C10orf90: variants seen among roughly 807,000 people sequenced by gnomAD.
The protein encoded by C10orf90 is (E2-independent) E3 ubiquitin-conjugating enzyme FATS.
A neutral mutation model predicts 62.5 loss-of-function variants in C10orf90; 56 were observed. The observed-to-expected ratio is 0.90, with a 90% CI of 0.72 to 1.12. The LOEUF is 1.12. C10orf90 is among the 50% of genes most tolerant of loss of function. The pLI, the probability that C10orf90 is intolerant of heterozygous loss-of-function variation, is 0.00. For missense variants in C10orf90, 970 were observed against 880.4 expected, an observed-to-expected ratio of 1.10 and a Z score of -1.29; for synonymous variants, 386 against 340.4, an observed-to-expected ratio of 1.13 and a Z score of -1.47.
At chr10:126,575,347 C>T (rs368637865) in intron 2 of C10orf90, among the ~76,000 whole-genome samples, 1 of 151,726 alleles carries the variant, frequency 6.6e-6, no homozygotes, top group Non-Finnish European at 1.5e-5. Context: ...AAATAAAATA[C>T]CTAGGAATAA....
intron 2 of C10orf90, among the ~76,000 whole-genome samples, chr10:126,642,332 A>G (rs1283280894): frequency 4.6e-5 from 7 of 152,238 alleles, no homozygotes; most frequent in Non-Finnish European, 1.0e-4. Context: ...GGAGATCGAG[A>G]CCATCCTGGC....
chr10:126,614,548 G>A (rs1240846423), intron 2 of C10orf90, among the ~76,000 whole-genome samples: 1 of 152,064 alleles, frequency 6.6e-6, no homozygotes, highest in Non-Finnish European at 1.5e-5. Context: ...GTGCCATGTG[G>A]GGGTGGATGT....
intron 3 of C10orf90, among the ~76,000 whole-genome samples, chr10:126,505,364 C>G (rs114206710): frequency 6.6e-6 from 1 of 152,134 alleles, no homozygotes; most frequent in East Asian, 1.9e-4. Context: ...GATGTGTCAA[C>G]GGGGATCATC....
chr10:126,593,460 C>G (rs115163270), intron 2 of C10orf90, among the ~76,000 whole-genome samples: 3,206 of 152,292 alleles, frequency 0.021, 130 homozygotes, highest in African/African-American at 0.072. Flanking sequence ...ACCCCATGTT[C>G]TCACTTATTC....
chr10:126,514,792 C>T (rs572200164), intron 2 of C10orf90, among the ~76,000 whole-genome samples: 1 of 152,114 alleles, frequency 6.6e-6, no homozygotes, highest in East Asian at 1.9e-4. Flanking sequence ...CCTCTCCACC[C>T]CCCATCTCTA....
intron 3 of C10orf90, among the ~76,000 whole-genome samples, chr10:126,512,307 G>C (rs1008131059): frequency 6.7e-6 from 1 of 148,872 alleles, no homozygotes; most frequent in African/African-American, 2.5e-5. Flanking sequence ...GTGTGTGTGT[G>C]TCTGTGTGTG....
intron 2 of C10orf90, among the ~76,000 whole-genome samples, chr10:126,598,182 C>T (rs1477722597): frequency 1.3e-5 from 2 of 152,180 alleles, no homozygotes; most frequent in African/African-American, 4.8e-5. Context: ...GGTCCTTGCT[C>T]ATTGCTGCCC....
chr10:126,662,928 A>G (rs1216984587), intron 1 of C10orf90, among the ~76,000 whole-genome samples: 1 of 152,088 alleles, frequency 6.6e-6, no homozygotes, highest in Non-Finnish European at 1.5e-5. Flanking sequence ...CTGGCCTGGC[A>G]TCATTGGGAT....
In C10orf90 at chr10:126,639,725, T is replaced by C. The variant is rs544033442; in HGVS notation, c.313+6840A>G. Reference sequence around the variant, plus strand: ...GTAAAATCTGGCTGATGCATTTCTGTCTGACACAAAGCTATATAGACTGCG... The same window carrying C: ...GTAAAATCTGGCTGATGCATTTCTGCCTGACACAAAGCTATATAGACTGCG... On this transcript the variant is annotated intron_variant, in intron 2 of 9. Coordinates refer to ENST00000488181, the MANE Select transcript of C10orf90 (RefSeq NM_001350921.2). 2.6e-5 allele frequency among the ~76,000 whole-genome samples: 4 copies of C among 152,382 alleles called. No homozygotes were observed. In the South Asian group the frequency reaches 8.3e-4, roughly 32 times the overall value.
intron 1 of C10orf90, among the ~76,000 whole-genome samples, chr10:126,657,745 A>G (rs1270074785): frequency 9.9e-5 from 15 of 151,510 alleles, no homozygotes; most frequent in Non-Finnish European, 8.8e-5. Context: ...CCTCCCGAGT[A>G]GCTGGGATTA....
intron 2 of C10orf90, among the ~76,000 whole-genome samples, chr10:126,637,771 C>G (rs1845980994): frequency 6.6e-6 from 1 of 152,144 alleles, no homozygotes; most frequent in African/African-American, 2.4e-5. Flanking sequence ...GGACCCAGGG[C>G]CTCGGGGCCT....
At chr10:126,635,911 G>GAT (rs1845941921) in intron 2 of C10orf90, among the ~76,000 whole-genome samples, 2 of 152,208 alleles carry the variant, frequency 1.3e-5, no homozygotes, top group Admixed American at 6.5e-5. Flanking sequence ...TAGTTTGAGA[G>GAT]ACAGACACTT....
chr10:126,521,228 C>A, intron 2 of C10orf90: 1 of 1,537,236 alleles, frequency 6.5e-7, no homozygotes, highest in African/African-American at 1.4e-5. Context: ...AGATACTCAG[C>A]GTGGACAGAA....
chr10:126,425,727 T>A lies in C10orf90; in HGVS notation c.*137A>T. On this transcript the variant is annotated 3_prime_UTR_variant, in exon 10 of 10. Transcript: ENST00000488181. ...TGGGTCAGTAATTCAGGAAGTGATG[T>A]TTTCCTTTATGGAAAAAAAAAATCG... is the stretch of plus-strand genomic sequence containing the variant. 1.1e-6 allele frequency: 1 copy of A among 884,248 alleles called. No individual in the cohort carries two copies. The highest frequency in any genetic ancestry group is 1.7e-6 in the Non-Finnish European group (1 of 593,818). The allele number at this position is 884,248 out of a possible 1,614,324, so 54.8% of individuals were successfully genotyped here.
intron 2 of C10orf90, among the ~76,000 whole-genome samples, chr10:126,613,613 T>G (rs1845483662): frequency 6.6e-6 from 1 of 152,340 alleles, no homozygotes; most frequent in Non-Finnish European, 1.5e-5. Context: ...AAAAACTATA[T>G]GAAGAAACTG....
At chr10:126,558,709 G>A (rs1040435057) in intron 2 of C10orf90, among the ~76,000 whole-genome samples, 4 of 152,184 alleles carry the variant, frequency 2.6e-5, no homozygotes, top group Non-Finnish European at 5.9e-5. Flanking sequence ...CACACTGTTG[G>A]AACACTTCTA....
intron 2 of C10orf90, among the ~76,000 whole-genome samples, chr10:126,623,248 A>C (rs2576012): frequency 0.57 from 86,229 of 151,964 alleles, 24,622 homozygotes; most frequent in Middle Eastern, 0.68. Context: ...CACCCCCATG[A>C]GGTCATCCCC....
In C10orf90 at chr10:126,584,842, ATG is replaced by A. The variant is rs370759448; in HGVS notation, c.313+61721_313+61722del. On this transcript the variant is annotated intron_variant, in intron 2 of 9. Transcript: ENST00000488181. ...CTCGATCCCTGAGTGACACTATATG[ATG>A]TGTGTGTGTGTGTGTTGGTAGAGCT... 1.0e-3 allele frequency among the ~76,000 whole-genome samples: 154 copies of A among 151,126 alleles called. 1 individual carries two copies. The highest frequency in any genetic ancestry group is 5.9e-3 in the South Asian group (28 of 4,774).
intron 2 of C10orf90, among the ~76,000 whole-genome samples, chr10:126,529,276 A>G (rs1469539101): frequency 6.6e-6 from 1 of 152,236 alleles, no homozygotes; most frequent in Non-Finnish European, 1.5e-5. Flanking sequence ...TTCTTTAAAG[A>G]TAAAATAGTT....
Sources: allele counts gnomAD v4.1 joint callset (sites outside exome capture counted in the v4.1 genomes callset), GRCh38; gene constraint gnomAD v4.1.1; transcripts MANE v1.5; gene names NCBI Gene and HGNC (gene_info 2026-07-23, HGNC 2026-07-21).